GRID2IP: variants seen among roughly 807,000 people sequenced by gnomAD.
GRID2IP encodes Grid2 interacting protein, also known as delphilin.
In GRID2IP, 78 loss-of-function variants were observed where a neutral mutation model predicts 114.3. The observed-to-expected ratio is 0.68, with a 90% CI of 0.57 to 0.82. The LOEUF (loss-of-function observed/expected upper bound fraction) is 0.82. Among genes scored for constraint, GRID2IP ranks in the 40% least tolerant of loss-of-function variants. GRID2IP has a pLI of 0.00. For missense variants in GRID2IP, 1,727 were observed against 1,678.5 expected, an observed-to-expected ratio of 1.03 and a Z score of -0.51; for synonymous variants, 809 against 724.0, an observed-to-expected ratio of 1.12 and a Z score of -1.89.
intron 1 of GRID2IP, among the ~76,000 whole-genome samples, chr7:6,548,771 G>C (rs1160599784): frequency 6.6e-6 from 1 of 151,010 alleles, no homozygotes; most frequent in Non-Finnish European, 1.5e-5. Flanking sequence ...GAACCCAGGA[G>C]GTGGAGGTTG....
intron 4 of GRID2IP, among the ~76,000 whole-genome samples, chr7:6,524,032 G>A (rs1044813318): frequency 6.6e-6 from 1 of 152,174 alleles, no homozygotes; most frequent in Admixed American, 6.6e-5. Context: ...GCCCAAATCG[G>A]GGAAGAACCT....
At position 6,532,586 on chromosome 7, in the gene GRID2IP, C is replaced by A. The variant is rs1004502138; in HGVS notation, c.585-5817G>T. Among the ~76,000 whole-genome samples, 1 of 152,334 alleles carries A rather than the reference C, an allele frequency of 6.6e-6. No homozygotes were observed. Among genetic ancestry groups the A allele is most frequent in the Middle Eastern group, 3.4e-3 (1 of 294 alleles). On this transcript the variant is annotated intron_variant, in intron 2 of 21. Coordinates refer to ENST00000457091, the MANE Select transcript of GRID2IP (RefSeq NM_001145118.2). This position sits in a 1 kb window ranked among gnomAD's most constrained non-coding sequence, Gnocchi z 4.4. ...CCAGAAACTGGAGCCAGTGCCCACT[C>A]ATGCCGTGCCCTCCCCAAGCCCTGT...
chr7:6,497,574 C>T lies in GRID2IP; in HGVS notation c.*200G>A. ...CACTCAGCACCTGCTCCTACAGCAT[C>T]TGGCTCTGGGCCTGGGGGTAGGAAC... On this transcript the variant is annotated 3_prime_UTR_variant, in exon 22 of 22. Transcript: ENST00000457091. The T allele has an allele frequency of 1.9e-6, 1 of 516,922 alleles. No individual in the cohort carries two copies. The allele number at this position is 516,922 out of a possible 1,614,324, so 32.0% of individuals were successfully genotyped here.
At chr7:6,527,019 G>T (rs902571980) in intron 2 of GRID2IP, among the ~76,000 whole-genome samples, 4 of 152,044 alleles carry the variant, frequency 2.6e-5, no homozygotes, top group African/African-American at 9.7e-5. Context: ...CGTTCGGACC[G>T]TCCTCCATGA....
chr7:6,521,336 A>C lies in GRID2IP; in HGVS notation c.1084+93T>G. ...GGAGGCAAGCTGCAGGTTTAGGGGA[A>C]GAGCTGAGTCCTCCGCACTGTGACT... On this transcript the variant is annotated intron_variant, in intron 6 of 21. Transcript: ENST00000457091. The surrounding 1 kb of genome is among the most constrained non-coding windows in gnomAD (Gnocchi z 4.1). 1.9e-5 allele frequency: 16 copies of C among 847,646 alleles called. No homozygotes were observed. Among genetic ancestry groups the C allele is most frequent in the Non-Finnish European group, 2.3e-5 (13 of 558,268 alleles). 52.5% of individuals were successfully genotyped at this position (847,646 alleles called of 1,614,324 possible).
Position 6,510,309 on chromosome 7 carries a change from G to A in GRID2IP, c.1745C>T (p.Pro582Leu), listed in dbSNP as rs1445794843. Residue 582 changes from proline (P) to leucine (L), a missense_variant, in exon 11 of 22, where the codon CCA becomes CTA. Transcript: ENST00000457091. The stretch of plus-strand genomic sequence containing the variant: ...TGTGGTGACTGCTGGGCTGGGGCCT[G>A]GAGGGGAAGCCCGGGATTTGGACAC... ...GTVSKSRASP[P>L]GPSPAVTTGP... 3.9e-6 allele frequency: 6 copies of A among 1,546,668 alleles called. No homozygotes were observed. The Admixed American group carries it at 1.0e-4, about 26-fold the overall frequency.
chr7:6,522,610 T>C (rs1779432816), intron 4 of GRID2IP, among the ~76,000 whole-genome samples: 1 of 151,996 alleles, frequency 6.6e-6, no homozygotes, highest in Non-Finnish European at 1.5e-5. Context: ...CCTCAGGCTC[T>C]GAGTAGCTGG....
chr7:6,500,860 C>A (rs545158334), intron 20 of GRID2IP, among the ~76,000 whole-genome samples: 17 of 152,348 alleles, frequency 1.1e-4, no homozygotes, highest in Admixed American at 3.3e-4. Context: ...TGGCCAGGCC[C>A]TGTTTGGAGG....
chr7:6,536,103 G>T lies in GRID2IP; in HGVS notation c.584+3615C>A, dbSNP rs1391235379. On this transcript the variant is annotated intron_variant, in intron 2 of 21. Coordinates refer to ENST00000457091, the MANE Select transcript of GRID2IP (RefSeq NM_001145118.2). The surrounding 1 kb of genome is among the most constrained non-coding windows in gnomAD (Gnocchi z 5.3). ...CTCCAGATGGGGCTGCCCAGAGATC[G>T]CTGCCACCCTAGAGGCCAGCACACT... Among the ~76,000 whole-genome samples the T allele has an allele frequency of 2.6e-5, 4 of 152,132 alleles. No individual in the cohort carries two copies. Among genetic ancestry groups the T allele is most frequent in the Non-Finnish European group, 4.4e-5 (3 of 68,024 alleles).
Position 6,503,729 on chromosome 7 carries a change from G to C in GRID2IP, c.2711-42C>G, listed in dbSNP as rs779344863. 5.7e-6 allele frequency: 8 copies of C among 1,391,380 alleles called. No homozygotes were observed. The South Asian group carries it at 1.0e-4, about 18-fold the overall frequency. 86.2% of individuals were successfully genotyped at this position (1,391,380 alleles called of 1,614,324 possible). On this transcript the variant is annotated intron_variant, in intron 15 of 21. Transcript: ENST00000457091. ...GCGGTGAGCTGGGCGGGGCCGGAGC[G>C]GGGCCGGATGGGACCCAAGACGGAG... is the stretch of plus-strand genomic sequence containing the variant.
intron 4 of GRID2IP, among the ~76,000 whole-genome samples, chr7:6,522,863 C>T (rs1192193574): frequency 2.0e-5 from 3 of 150,612 alleles, no homozygotes; most frequent in Non-Finnish European, 4.4e-5. Flanking sequence ...GATGAGGTTT[C>T]GCCATATTGC....
rs904036334 is a variant in GRID2IP, at chr7:6,528,099, G to A, written c.585-1330C>T. 3.3e-5 allele frequency among the ~76,000 whole-genome samples: 5 copies of A among 151,738 alleles called. No homozygotes were observed. Among genetic ancestry groups the A allele is most frequent in the African/African-American group, 1.2e-4 (5 of 41,256 alleles). ...TTTTTTTGTAGAGATGAGGCTCTAT[G>A]TTGCCCAGGCTGGTCTCAAACTCCT... On this transcript the variant is annotated intron_variant, in intron 2 of 21. Coordinates refer to ENST00000457091, the MANE Select transcript of GRID2IP (RefSeq NM_001145118.2). The surrounding 1 kb of genome is among the most constrained non-coding windows in gnomAD (Gnocchi z 6.0).
chr7:6,533,942 A>AC (rs1779680223), intron 2 of GRID2IP, among the ~76,000 whole-genome samples: 1 of 152,062 alleles, frequency 6.6e-6, no homozygotes, highest in Non-Finnish European at 1.5e-5. Context: ...GAACCACTGC[A>AC]CCCAGTCCCA....
At chr7:6,503,387 C>T in intron 16 of GRID2IP, 104 bp downstream of exon 16, 1 of 1,188,662 alleles carries the variant, frequency 8.4e-7, no homozygotes, top group Non-Finnish European at 1.1e-6. Flanking sequence ...GGCTTGGGCG[C>T]AATGGCGGCC....
intron 15 of GRID2IP, 53 bp from the exon 16 acceptor site, chr7:6,503,740 G>C (rs568070729): frequency 7.3e-7 from 1 of 1,365,002 alleles, no homozygotes; most frequent in African/African-American, 1.5e-5. Context: ...GGGCCGGATG[G>C]GACCCAAGAC....
rs542032303 is a variant in GRID2IP at position 6,509,008 on chromosome 7, G to A, written c.2077C>T (p.Arg693Trp). The A allele has an allele frequency of 4.6e-5, 71 of 1,547,606 alleles. No individual in the cohort carries two copies. In the South Asian group the frequency reaches 4.9e-4, roughly 11 times the overall value. The change falls in exon 12 of 22, where the codon CGG becomes TGG. Residue 693 changes from arginine to tryptophan, a missense_variant. Arg to Trp is a moderately radical substitution (Grantham distance 101). Coordinates refer to ENST00000457091, the MANE Select transcript of GRID2IP (RefSeq NM_001145118.2). The surrounding 1 kb of genome is among the most constrained non-coding windows in gnomAD (Gnocchi z 4.9). Reference protein sequence around the residue: ...LDVLSEQLGPRVTIVDDFLTP... With the variant: ...LDVLSEQLGPWVTIVDDFLTP... Reference sequence around the variant, plus strand: ...AGGAAATCATCCACGATGGTGACCCGGGGGCCCAGCTGCTCGCTCAGCACG... The same window carrying A: ...AGGAAATCATCCACGATGGTGACCCAGGGGCCCAGCTGCTCGCTCAGCACG...
At position 6,514,403 on chromosome 7, in the gene GRID2IP, T is replaced by G. The variant is rs138298168; in HGVS notation, c.1395A>C (p.Ala465=). 1.5e-3 allele frequency: 2,346 copies of G among 1,541,366 alleles called. 21 individuals carry two copies. The highest frequency in any genetic ancestry group is 0.012 in the South Asian group (979 of 83,346). ...EEQELCQEKI[A]CFLGYTAMTA... is the part of the protein sequence containing the mutation. ...TCATGGCCGTGTAGCCCAGGAAGCA[T>G]GCGATTTTCTCCTGACAGAGCTCCT... Residue 465 remains alanine (A), a synonymous_variant, in exon 8 of 22, where the codon GCA becomes GCC. Coordinates refer to ENST00000457091, the MANE Select transcript of GRID2IP (RefSeq NM_001145118.2).
At chr7:6,537,537 C>G (rs1245199322) in intron 2 of GRID2IP, among the ~76,000 whole-genome samples, 1 of 151,124 alleles carries the variant, frequency 6.6e-6, no homozygotes, top group Non-Finnish European at 1.5e-5. Context: ...GCCACCACAA[C>G]CTGCTAATTT....
chr7:6,523,326 C>T lies in GRID2IP; in HGVS notation c.920-1369G>A, dbSNP rs1583345598. Among the ~76,000 whole-genome samples, 4 of 151,928 alleles carry T rather than the reference C, an allele frequency of 2.6e-5. No individual in the cohort carries two copies. The East Asian group carries it at 7.7e-4, about 29-fold the overall frequency. On this transcript the variant is annotated intron_variant, in intron 4 of 21. Transcript: ENST00000457091. The surrounding 1 kb of genome is among the most constrained non-coding windows in gnomAD (Gnocchi z 4.5). ...AAAAAGGAGAGAGTGATGGTGGTGG[C>T]GAATCCAATCTGGCCTGCCTGGAAT...
Sources: allele counts gnomAD v4.1 joint callset (sites outside exome capture counted in the v4.1 genomes callset), GRCh38; gene constraint gnomAD v4.1.1; non-coding constraint Gnocchi (gnomAD v3.1); transcripts MANE v1.5; gene names NCBI Gene and HGNC (gene_info 2026-07-23, HGNC 2026-07-21).